The following VWA3A variants were observed in gnomAD, a reference collection of about 807,000 sequenced individuals.
VWA3A encodes von Willebrand factor A domain containing 3A.
In VWA3A, 134 loss-of-function variants were observed where a neutral mutation model predicts 160.4. That is an observed-to-expected ratio of 0.84 (90% CI 0.73 to 0.96). The LOEUF is 0.96. VWA3A is among the 40% of genes least tolerant of loss of function. The pLI is 0.00. For synonymous variants in VWA3A, 476 were observed against 543.4 expected (o/e 0.88, Z 1.72); for missense variants, 1,310 against 1,447.9 (o/e 0.90, Z 1.55).
At chr16:22,145,712 C>T (rs1373359331) in intron 26 of VWA3A, among the ~76,000 whole-genome samples, 1 of 150,808 alleles carries the variant, frequency 6.6e-6, no homozygotes, top group Admixed American at 6.6e-5. Flanking sequence ...AAAAAAAAAT[C>T]TTAATTCCCT....
In VWA3A at chr16:22,138,412, G is replaced by T. The variant is rs1423477088; in HGVS notation, c.2192G>T (p.Ser731Ile). ...LKNHSGKVLGSSALPKEKPKT... is the reference protein window; with the variant it reads ...LKNHSGKVLGISALPKEKPKT... ...AACCATTCAGGAAAAGTACTGGGAA[G>T]TTCAGCCCTCCCGAAAGAAAAACCA... Residue 731 changes from serine (S) to isoleucine (I), a missense_variant, in exon 22 of 34, where the codon AGT (serine) becomes ATT (isoleucine). Transcript: ENST00000389398. The T allele has an allele frequency of 6.2e-7, 1 of 1,611,314 alleles. No individual in the cohort carries two copies. The highest frequency in any genetic ancestry group is 8.5e-7 in the Non-Finnish European group (1 of 1,178,970).
At chr16:22,129,644 G>A (rs76210230) in intron 17 of VWA3A, among the ~76,000 whole-genome samples, 4,142 of 152,140 alleles carry the variant, frequency 0.027, 201 homozygotes, top group African/African-American at 0.093. Flanking sequence ...GAAATAAGGG[G>A]TTTTGAGCCA....
chr16:22,094,738 A>G (rs909828767), intron 1 of VWA3A, among the ~76,000 whole-genome samples: 3 of 152,012 alleles, frequency 2.0e-5, no homozygotes, highest in Non-Finnish European at 4.4e-5. Flanking sequence ...GGCCAAGGCA[A>G]GTGGATCACC....
intron 21 of VWA3A, among the ~76,000 whole-genome samples, chr16:22,135,955 G>T (rs1421543988): frequency 6.6e-6 from 1 of 151,774 alleles, no homozygotes; most frequent in Non-Finnish European, 1.5e-5. Flanking sequence ...ACGCCTGACT[G>T]ATTTTTGTGT....
Position 22,103,545 on chromosome 16 carries a change from T to A in VWA3A, c.483+16T>A, listed in dbSNP as rs1598047675. Reference sequence around the variant, plus strand: ...CAGCAAGAAGGTAACGGGCATAGATTTCATTCTTTGCCCCCTTTCACTCAT... The same window carrying A: ...CAGCAAGAAGGTAACGGGCATAGATATCATTCTTTGCCCCCTTTCACTCAT... On this transcript the variant is annotated intron_variant, in intron 6 of 33. Coordinates refer to ENST00000389398, the MANE Select transcript of VWA3A (RefSeq NM_173615.5). 6.4e-7 allele frequency: 1 copy of A among 1,551,498 alleles called. No homozygotes were observed. Among genetic ancestry groups the A allele is most frequent in the East Asian group, 2.4e-5 (1 of 40,924 alleles).
intron 16 of VWA3A, among the ~76,000 whole-genome samples, chr16:22,125,846 C>T (rs2045838797): frequency 6.6e-6 from 1 of 152,140 alleles, no homozygotes; most frequent in South Asian, 2.1e-4. Flanking sequence ...TATATTTTTT[C>T]ATATTCTGAC....
chr16:22,124,530 C>CTATTATTATTATTAT (rs10564178), intron 16 of VWA3A, among the ~76,000 whole-genome samples: 2 of 141,176 alleles, frequency 1.4e-5, no homozygotes, highest in Non-Finnish European at 3.0e-5. Flanking sequence ...TACTATACAT[C>CTATTATTATTATTAT]TATTATTATT....
intron 14 of VWA3A, among the ~76,000 whole-genome samples, chr16:22,122,181 GTGGATGGATAGATAGA>G (rs1175687148): frequency 7.4e-5 from 9 of 122,026 alleles, no homozygotes; most frequent in Middle Eastern, 5.8e-3. Flanking sequence ...GGATGGATGA[GTGGATGGATAGATAGA>G]TGGATGGATA....
intron 30 of VWA3A, among the ~76,000 whole-genome samples, chr16:22,151,312 G>A (rs1014391342): frequency 2.0e-5 from 3 of 152,060 alleles, no homozygotes; most frequent in African/African-American, 7.2e-5. Flanking sequence ...AAGAAGTTAG[G>A]AGAAGCATTG....
Position 22,100,495 on chromosome 16 carries a change from T to A in VWA3A, c.428+2T>A, listed in dbSNP as rs2045392233. On this transcript the variant is annotated splice_donor_variant, in intron 5 of 33. Transcript: ENST00000389398. LOFTEE classifies it high-confidence loss of function. ...CCATTTTGAGTCAAAGCTTTCTGAGTAAGTATGTTTCTCACTGTCCTCCCA... is the reference window on the plus strand; with the variant it reads ...CCATTTTGAGTCAAAGCTTTCTGAGAAAGTATGTTTCTCACTGTCCTCCCA... 1 of 1,550,892 alleles carries A rather than the reference T, an allele frequency of 6.4e-7. No homozygotes were observed. Among genetic ancestry groups the A allele is most frequent in the Non-Finnish European group, 8.7e-7 (1 of 1,146,548 alleles).
chr16:22,154,323 C>CTTTTTTTTTTTT (rs988862954), intron 31 of VWA3A, among the ~76,000 whole-genome samples: 133 of 73,866 alleles, frequency 1.8e-3, no homozygotes, highest in African/African-American at 3.3e-3. Flanking sequence ...TTTTCTTTTT[C>CTTTTTTTTTTTT]TTTTTTTTTT....
chr16:22,142,854 T>G (rs1225883062), intron 25 of VWA3A, 89 bp downstream of exon 25: 2 of 1,038,566 alleles, frequency 1.9e-6, no homozygotes, highest in African/African-American at 3.2e-5. Context: ...GGGGGCATAA[T>G]CAGAAATGAG....
At chr16:22,121,681 C>T (rs959240604) in intron 14 of VWA3A, 64 bp downstream of exon 14, 1 of 1,308,092 alleles carries the variant, frequency 7.6e-7, no homozygotes. Context: ...CTTTTCCTAC[C>T]TTCATAAATG....
At chr16:22,152,760 T>A in intron 31 of VWA3A, 126 bp downstream of exon 31, 2 of 1,418,136 alleles carry the variant, frequency 1.4e-6, no homozygotes, top group South Asian at 1.3e-5. Flanking sequence ...TCCCAAAATG[T>A]TGGGATTACA....
intron 12 of VWA3A, among the ~76,000 whole-genome samples, chr16:22,120,610 A>G (rs13329930): frequency 0.028 from 4,304 of 152,260 alleles, 207 homozygotes; most frequent in African/African-American, 0.098. Context: ...TACTTTGTCA[A>G]TGTGGCCACA....
At chr16:22,100,344 C>A in intron 4 of VWA3A, 26 bp downstream of exon 4, 1 of 1,551,548 alleles carries the variant, frequency 6.4e-7, no homozygotes, top group Non-Finnish European at 8.7e-7. Context: ...TTCCCCGCAC[C>A]CCCCACAGCT....
rs1188238007 is a variant in VWA3A, at chr16:22,100,208, TGAGACCCAGTCTTCA to T, written c.243_257del (p.Glu81_Ser85del). The T allele has an allele frequency of 1.9e-6, 3 of 1,547,960 alleles. No homozygotes were observed. Among genetic ancestry groups the T allele is most frequent in the Non-Finnish European group, 2.6e-6 (3 of 1,146,076 alleles). ...TTGTCTTGCAGAGGCTGCAGGGGAG[TGAGACCCAGTCTTCA>T]GATTGGGAGGACTCTGAAGACTGGC... On this transcript the variant is annotated inframe_deletion, in exon 4 of 34. Coordinates refer to ENST00000389398, the MANE Select transcript of VWA3A (RefSeq NM_173615.5).
At chr16:22,107,275 A>G (rs144098999) in intron 6 of VWA3A, among the ~76,000 whole-genome samples, 4 of 152,236 alleles carry the variant, frequency 2.6e-5, no homozygotes, top group Non-Finnish European at 5.9e-5. Context: ...GCTGAAGGAG[A>G]GGGGTTGTTA....
intron 14 of VWA3A, 115 bp from the exon 15 acceptor site, chr16:22,122,970 A>G: frequency 2.5e-6 from 2 of 814,254 alleles, no homozygotes; most frequent in Non-Finnish European, 4.1e-6. Context: ...TCCGACCTCA[A>G]ATGTGTTCAG....
Sources: allele counts gnomAD v4.1 joint callset (sites outside exome capture counted in the v4.1 genomes callset), GRCh38; gene constraint gnomAD v4.1.1; transcripts MANE v1.5; gene names NCBI Gene and HGNC (gene_info 2026-07-23, HGNC 2026-07-21).